Variants in CADPS2 observed in about 807,000 individuals in gnomAD.
CADPS2 encodes calcium dependent secretion activator 2.
Under a neutral mutation model 172.5 loss-of-function variants are expected in CADPS2, and 93 were observed. That is an observed-to-expected ratio of 0.54 (90% CI 0.46 to 0.64). CADPS2 has a LOEUF of 0.64. Ranked by LOEUF, CADPS2 falls within the 30% of genes least tolerant of loss-of-function variation. The pLI is 0.00. For missense variants in CADPS2, 1,420 were observed against 1,565.9 expected, an observed-to-expected ratio of 0.91 and a Z score of 1.57; for synonymous variants, 546 against 555.2, an observed-to-expected ratio of 0.98 and a Z score of 0.23.
intron 17 of CADPS2, among the ~76,000 whole-genome samples, chr7:122,417,298 G>C (rs1251539971): frequency 6.6e-6 from 1 of 152,052 alleles, no homozygotes; most frequent in Admixed American, 6.6e-5. Flanking sequence ...ACTGATGTGG[G>C]GTTCACATCC....
chr7:122,750,801 A>C (rs1465442234), intron 1 of CADPS2, among the ~76,000 whole-genome samples: 1 of 152,136 alleles, frequency 6.6e-6, no homozygotes, highest in Admixed American at 6.6e-5. Flanking sequence ...CAGAATTTTG[A>C]AAAGAGTGGC....
At chr7:122,466,735 A>G (rs1444070715) in intron 14 of CADPS2, among the ~76,000 whole-genome samples, 2 of 152,210 alleles carry the variant, frequency 1.3e-5, no homozygotes, top group African/African-American at 4.8e-5. Flanking sequence ...TAGGAACCAT[A>G]TTGAGTAGGT....
intron 15 of CADPS2, among the ~76,000 whole-genome samples, chr7:122,450,401 T>C (rs925921008): frequency 3.9e-5 from 6 of 152,056 alleles, no homozygotes; most frequent in Admixed American, 1.3e-4. Context: ...TATGTTAGCA[T>C]ATTTCTGTTT....
At chr7:122,513,119 G>A in intron 9 of CADPS2, 130 bp downstream of exon 9, 1 of 634,074 alleles carries the variant, frequency 1.6e-6, no homozygotes, top group Non-Finnish European at 2.8e-6. Flanking sequence ...TGAATGTACT[G>A]CTTTTATTTA....
At chr7:122,537,538 T>G (rs2062435495) in intron 8 of CADPS2, among the ~76,000 whole-genome samples, 1 of 151,836 alleles carries the variant, frequency 6.6e-6, no homozygotes, top group African/African-American at 2.4e-5. Flanking sequence ...AAACTTTTCC[T>G]TGAGTAATAA....
intron 1 of CADPS2, among the ~76,000 whole-genome samples, chr7:122,843,273 A>G (rs1349416429): frequency 1.3e-5 from 2 of 152,080 alleles, no homozygotes; most frequent in Non-Finnish European, 2.9e-5. Context: ...CACATAGTAG[A>G]TGAAATTTCT....
chr7:122,770,397 C>T (rs1219379726), intron 1 of CADPS2, among the ~76,000 whole-genome samples: 8 of 151,886 alleles, frequency 5.3e-5, no homozygotes, highest in Non-Finnish European at 1.0e-4. Flanking sequence ...TTTGGAAAAC[C>T]TCACTTTAAA....
At chr7:122,518,569 G>A (rs1386763013) in intron 8 of CADPS2, among the ~76,000 whole-genome samples, 1 of 152,104 alleles carries the variant, frequency 6.6e-6, no homozygotes, top group African/African-American at 2.4e-5. Flanking sequence ...AGGCTGAAGA[G>A]AGAGTACCTC....
chr7:122,615,326 T>C (rs982615336), intron 5 of CADPS2, 27 bp from the exon 6 acceptor site: 3 of 1,382,210 alleles, frequency 2.2e-6, no homozygotes, highest in Admixed American at 2.0e-5. Flanking sequence ...TTTAAAATAA[T>C]GCATCAAGTT....
At chr7:122,322,211 T>A (rs931342507) in intron 29 of CADPS2, among the ~76,000 whole-genome samples, 1 of 152,216 alleles carries the variant, frequency 6.6e-6, no homozygotes, top group Non-Finnish European at 1.5e-5. Flanking sequence ...CACTAACAAT[T>A]ATATACTGAG....
At chr7:122,597,648 A>C (rs546507144) in intron 6 of CADPS2, among the ~76,000 whole-genome samples, 1 of 152,292 alleles carries the variant, frequency 6.6e-6, no homozygotes, top group Admixed American at 6.5e-5. Context: ...CCTGAAATAA[A>C]AAGTAAAATA....
intron 11 of CADPS2, among the ~76,000 whole-genome samples, chr7:122,484,895 T>C (rs1178855597): frequency 1.4e-5 from 2 of 142,976 alleles, no homozygotes; most frequent in African/African-American, 5.2e-5. Context: ...CGTGCTCATA[T>C]CATGACGTGC....
rs759698190 is a variant in CADPS2, at chr7:122,640,488, CACAG to C, written c.787-11164_787-11161del. 2.0e-3 allele frequency among the ~76,000 whole-genome samples: 278 copies of C among 141,582 alleles called. 1 individual carries two copies. The highest frequency in any genetic ancestry group is 3.2e-3 in the Non-Finnish European group (200 of 63,336). The allele number at this position is 141,582 out of a possible 152,430, so 92.9% of individuals were successfully genotyped here. ...ACACATATACACACACACACACACA[CACAG>C]AGATAGAGAGAGAGAGAGAGAAAAA... On this transcript the variant is annotated intron_variant, in intron 3 of 29. Coordinates refer to ENST00000449022, the MANE Select transcript of CADPS2 (RefSeq NM_017954.11).
At chr7:122,862,569 A>C (rs1042713980) in intron 1 of CADPS2, among the ~76,000 whole-genome samples, 1 of 152,088 alleles carries the variant, frequency 6.6e-6, no homozygotes, top group African/African-American at 2.4e-5. Context: ...CTGAGCCTTA[A>C]GAGGAGTAAG....
At chr7:122,396,930 T>C (rs1585602989) in intron 20 of CADPS2, among the ~76,000 whole-genome samples, 2 of 152,342 alleles carry the variant, frequency 1.3e-5, no homozygotes, top group South Asian at 4.1e-4. Context: ...GTTGGATGAA[T>C]GAATATTTGA....
chr7:122,651,524 G>A (rs887663741), intron 3 of CADPS2, among the ~76,000 whole-genome samples: 2 of 152,178 alleles, frequency 1.3e-5, no homozygotes, highest in South Asian at 4.1e-4. Context: ...TAAACTTGAA[G>A]CCTACTTTTT....
intron 2 of CADPS2, among the ~76,000 whole-genome samples, chr7:122,711,703 A>T (rs959276098): frequency 2.0e-5 from 3 of 152,010 alleles, no homozygotes; most frequent in East Asian, 3.9e-4. Context: ...CCCAGGATGG[A>T]GTACAGTAGC....
intron 8 of CADPS2, among the ~76,000 whole-genome samples, chr7:122,515,686 C>G (rs2060306234): frequency 6.6e-6 from 1 of 151,826 alleles, no homozygotes; most frequent in African/African-American, 2.4e-5. Context: ...CCATCAACAC[C>G]ACAAGCTACT....
chr7:122,383,149 C>T (rs925106887), intron 24 of CADPS2, among the ~76,000 whole-genome samples: 1 of 151,956 alleles, frequency 6.6e-6, no homozygotes, highest in Non-Finnish European at 1.5e-5. Context: ...TACTAGACAG[C>T]CATAAAAAAG....
Sources: allele counts gnomAD v4.1 joint callset (sites outside exome capture counted in the v4.1 genomes callset), GRCh38; gene constraint gnomAD v4.1.1; transcripts MANE v1.5; gene names NCBI Gene and HGNC (gene_info 2026-07-23, HGNC 2026-07-21).